IL1RAPL2: variants seen among roughly 807,000 people sequenced by gnomAD.
The protein encoded by IL1RAPL2 is interleukin 1 receptor accessory protein like 2.
In IL1RAPL2, 3 loss-of-function variants were observed where a neutral mutation model predicts 44.1. That is an observed-to-expected ratio of 0.07 (90% CI 0.03 to 0.18). The LOEUF (loss-of-function observed/expected upper bound fraction) is 0.18, where lower values mean the gene tolerates loss of function less well. Ranked by LOEUF, IL1RAPL2 falls within the 10% of genes least tolerant of loss-of-function variation. The pLI, the probability that IL1RAPL2 is intolerant of heterozygous loss-of-function variation, is 1.00. For synonymous variants in IL1RAPL2, 181 were observed against 178.8 expected (o/e 1.01, Z -0.10); for missense variants, 391 against 496.4 (o/e 0.79, Z 2.02).
chrX:104,855,681 G>GTGTTTTTTTTTTTTTTTTTT lies in IL1RAPL2; in HGVS notation c.82+196687_82+196688insGTTTTTTTTTTTTTTTTTTT. ...TTAACTGTGCTAAGGATCTGGATCC[G>GTGTTTTTTTTTTTTTTTTTT]TTTTTTTTTTTTTTTTTACTGTATC... is the stretch of plus-strand genomic sequence containing the variant. On this transcript the variant is annotated intron_variant, in intron 2 of 10. Transcript: ENST00000372582. Among the ~76,000 whole-genome samples, 81 of 53,853 alleles carry GTGTTTTTTTTTTTTTTTTTT rather than the reference G, an allele frequency of 1.5e-3. 6 individuals carry two copies. The highest frequency in any genetic ancestry group is 2.8e-3 in the African/African-American group (46 of 16,531). The allele number at this position is 53,853 out of a possible 115,157, so 46.8% of individuals were successfully genotyped here.
At chrX:104,835,050 A>T (rs1450095127) in intron 2 of IL1RAPL2, among the ~76,000 whole-genome samples, 1 of 112,219 alleles carries the variant, frequency 8.9e-6, no homozygotes, top group East Asian at 2.8e-4. Context: ...AAACAGAAAA[A>T]AAATGTTGTT....
At chrX:104,592,143 A>ATG (rs1344014844) in intron 1 of IL1RAPL2, among the ~76,000 whole-genome samples, 2 of 43,464 alleles carry the variant, frequency 4.6e-5, no homozygotes, top group African/African-American at 1.3e-4. Context: ...TAATGCCCGT[A>ATG]TATGTGTGTG....
intron 2 of IL1RAPL2, among the ~76,000 whole-genome samples, chrX:104,669,707 G>C (rs7058624): frequency 0.052 from 5,768 of 111,452 alleles, 388 homozygotes; most frequent in African/African-American, 0.18. Flanking sequence ...CCAGGGATGA[G>C]AACCCCTGAC....
At chrX:105,636,120 A>T (rs1018679430) in intron 6 of IL1RAPL2, among the ~76,000 whole-genome samples, 4 of 110,932 alleles carry the variant, frequency 3.6e-5, no homozygotes, top group Non-Finnish European at 7.6e-5. Context: ...AAAGGGCATA[A>T]TTTATGGAAC....
At chrX:105,605,918 CTCTA>C (rs2037289758) in intron 6 of IL1RAPL2, among the ~76,000 whole-genome samples, 1 of 111,630 alleles carries the variant, frequency 9.0e-6, no homozygotes, top group Non-Finnish European at 1.9e-5. Flanking sequence ...GAAACTCAAC[CTCTA>C]TCTTTCACCA....
At chrX:105,514,431 C>A (rs1015053232) in intron 6 of IL1RAPL2, among the ~76,000 whole-genome samples, 1 of 111,906 alleles carries the variant, frequency 8.9e-6, no homozygotes, top group Non-Finnish European at 1.9e-5. Flanking sequence ...CAAATGGGGG[C>A]AGGAGGAATG....
rs961785263 is a variant in IL1RAPL2, at chrX:105,600,147, T to C, written c.772+115760T>C. 7.2e-5 allele frequency among the ~76,000 whole-genome samples: 8 copies of C among 111,272 alleles called. No homozygotes were observed. The East Asian group carries it at 1.7e-3, about 23-fold the overall frequency. On this transcript the variant is annotated intron_variant, in intron 6 of 10. Coordinates refer to ENST00000372582, the MANE Select transcript of IL1RAPL2 (RefSeq NM_017416.2). The stretch of plus-strand genomic sequence containing the variant: ...ACTATGCCTTATCAATGCCTCATCA[T>C]TGTAAATTATTGCATAGAGTTTCAT...
chrX:105,424,050 C>T (rs749695044), intron 5 of IL1RAPL2, among the ~76,000 whole-genome samples: 5 of 111,252 alleles, frequency 4.5e-5, no homozygotes, highest in Non-Finnish European at 9.4e-5. Flanking sequence ...AAGGAAGGGG[C>T]ATCTTTATTC....
chrX:105,626,631 G>C lies in IL1RAPL2; in HGVS notation c.773-90736G>C, dbSNP rs780738132. Among the ~76,000 whole-genome samples, 9 of 111,314 alleles carry C rather than the reference G, an allele frequency of 8.1e-5. No homozygotes were observed. In the South Asian group the frequency reaches 3.0e-3, roughly 37 times the overall value. On this transcript the variant is annotated intron_variant, in intron 6 of 10. Transcript: ENST00000372582. ...TTTAAAATTTTTATAGATTTAGTGG[G>C]TACAAGTGCAATTTTGTTACATGGA...
At chrX:105,460,145 T>C (rs772763800) in intron 5 of IL1RAPL2, among the ~76,000 whole-genome samples, 55 of 111,222 alleles carry the variant, frequency 4.9e-4, no homozygotes, top group Non-Finnish European at 5.7e-5. Context: ...TAGTTCCTTT[T>C]GTTTCTTCTT....
intron 5 of IL1RAPL2, among the ~76,000 whole-genome samples, chrX:105,271,351 T>G (rs921496064): frequency 1.8e-5 from 2 of 112,264 alleles, no homozygotes; most frequent in Non-Finnish European, 3.8e-5. Context: ...CATGTTTAGG[T>G]CATTTGCTAA....
At chrX:104,950,386 C>G (rs1024037434) in intron 2 of IL1RAPL2, among the ~76,000 whole-genome samples, 86 of 112,526 alleles carry the variant, frequency 7.6e-4, no homozygotes, top group Non-Finnish European at 1.3e-3. Flanking sequence ...CAGACAGGGA[C>G]GTTTAAGTCT....
rs751128293 is a variant in IL1RAPL2, at chrX:104,884,610, A to G, written c.82+225615A>G. 3.6e-5 allele frequency among the ~76,000 whole-genome samples: 4 copies of G among 111,631 alleles called. No individual in the cohort carries two copies. In the South Asian group the frequency reaches 1.1e-3, roughly 32 times the overall value. On this transcript the variant is annotated intron_variant, in intron 2 of 10. Transcript: ENST00000372582. ...TTTTCTGCACTATGGCCTGGCCCCAATATTCTCTCTCTGATGGGGAAAAAT... is the reference window on the plus strand; with the variant it reads ...TTTTCTGCACTATGGCCTGGCCCCAGTATTCTCTCTCTGATGGGGAAAAAT...
At chrX:105,396,428 C>A (rs1245448971) in intron 5 of IL1RAPL2, among the ~76,000 whole-genome samples, 1 of 104,151 alleles carries the variant, frequency 9.6e-6, no homozygotes, top group Non-Finnish European at 2.0e-5. Flanking sequence ...TCAGGCTTAT[C>A]GATAAGGATT....
intron 6 of IL1RAPL2, among the ~76,000 whole-genome samples, chrX:105,525,760 A>G (rs2036591055): frequency 9.0e-6 from 1 of 111,490 alleles, no homozygotes; most frequent in Non-Finnish European, 1.9e-5. Flanking sequence ...AGCACAAAAG[A>G]TAGAAAACAC....
chrX:105,630,122 A>T (rs1378848707), intron 6 of IL1RAPL2, among the ~76,000 whole-genome samples: 1 of 111,337 alleles, frequency 9.0e-6, no homozygotes, highest in Non-Finnish European at 1.9e-5. Flanking sequence ...TCAAACTCAA[A>T]CTCAAACTCA....
intron 2 of IL1RAPL2, among the ~76,000 whole-genome samples, chrX:104,817,089 C>T (rs1281513989): frequency 8.9e-6 from 1 of 112,600 alleles, no homozygotes; most frequent in Non-Finnish European, 1.9e-5. Context: ...CATGATTGGA[C>T]AAAAAGTGTA....
At chrX:105,685,988 C>T (rs2037969260) in intron 6 of IL1RAPL2, among the ~76,000 whole-genome samples, 1 of 111,503 alleles carries the variant, frequency 9.0e-6, no homozygotes, top group South Asian at 3.8e-4. Flanking sequence ...AAATCCTTTA[C>T]AGACAAGCAA....
intron 2 of IL1RAPL2, among the ~76,000 whole-genome samples, chrX:104,825,643 G>A (rs757544799): frequency 8.9e-6 from 1 of 112,141 alleles, no homozygotes; most frequent in Non-Finnish European, 1.9e-5. Context: ...TCAAATGAAA[G>A]TCATTCAATA....
Sources: allele counts gnomAD v4.1 joint callset (sites outside exome capture counted in the v4.1 genomes callset), GRCh38; gene constraint gnomAD v4.1.1; transcripts MANE v1.5; gene names NCBI Gene and HGNC (gene_info 2026-07-23, HGNC 2026-07-21).